Variants in KAT2B observed in about 807,000 individuals in gnomAD.
KAT2B encodes lysine acetyltransferase 2B.
Under a neutral mutation model 105.9 loss-of-function variants are expected in KAT2B, and 36 were observed. The observed-to-expected ratio is 0.34, with a 90% CI of 0.26 to 0.45. KAT2B has a LOEUF of 0.45. Among genes scored for constraint, KAT2B ranks in the 20% least tolerant of loss-of-function variants. The pLI is 1.00. For missense variants in KAT2B, 820 were observed against 1,021.6 expected, an observed-to-expected ratio of 0.80 and a Z score of 2.69; for synonymous variants, 397 against 377.9, an observed-to-expected ratio of 1.05 and a Z score of -0.59.
At chr3:20,090,234 C>A (rs947885656) in intron 2 of KAT2B, among the ~76,000 whole-genome samples, 1 of 152,122 alleles carries the variant, frequency 6.6e-6, no homozygotes, top group African/African-American at 2.4e-5. Flanking sequence ...TCCAATACTA[C>A]GTTGAAAAGA....
chr3:20,151,626 AGTTTT>A (rs1446668236), intron 17 of KAT2B, among the ~76,000 whole-genome samples: 5 of 152,186 alleles, frequency 3.3e-5, no homozygotes, highest in Non-Finnish European at 7.4e-5. Context: ...ACCCTACTTT[AGTTTT>A]ATCAGTTTAG....
intron 1 of KAT2B, among the ~76,000 whole-genome samples, chr3:20,047,861 C>T (rs142308777): frequency 0.012 from 1,796 of 152,166 alleles, 28 homozygotes; most frequent in African/African-American, 0.041. Context: ...AGTGATCTGT[C>T]TGCCTGCGCC....
intron 1 of KAT2B, among the ~76,000 whole-genome samples, chr3:20,060,130 T>C (rs1698074861): frequency 6.6e-6 from 1 of 152,252 alleles, no homozygotes; most frequent in Admixed American, 6.5e-5. Flanking sequence ...ATGCGTTAAC[T>C]AGTTGATGGG....
In KAT2B at chr3:20,137,825, G is replaced by T. The variant is rs1381783660; in HGVS notation, c.1860+773G>T. ...GCGTGAGCCACCTCACCAGGCCTCT[G>T]TCCTAGCAGTTTCTTATCAGAAGTT... On this transcript the variant is annotated intron_variant, in intron 12 of 17. Coordinates refer to ENST00000263754, the MANE Select transcript of KAT2B (RefSeq NM_003884.5). Among the ~76,000 whole-genome samples, 6 of 152,208 alleles carry T rather than the reference G, an allele frequency of 3.9e-5. No individual in the cohort carries two copies. The East Asian group carries it at 1.2e-3, about 30-fold the overall frequency.
chr3:20,062,339 TATA>T (rs1253111879), intron 1 of KAT2B, among the ~76,000 whole-genome samples: 2 of 93,640 alleles, frequency 2.1e-5, no homozygotes, highest in East Asian at 5.6e-4. Flanking sequence ...ATGTATAAAA[TATA>T]ATATATAATA....
intron 11 of KAT2B, among the ~76,000 whole-genome samples, chr3:20,136,533 G>A (rs1188543675): frequency 6.6e-6 from 1 of 151,852 alleles, no homozygotes; most frequent in Non-Finnish European, 1.5e-5. Flanking sequence ...CTTTTCATTT[G>A]CATCTTTTTT....
At chr3:20,116,692 G>A (rs913117797) in intron 7 of KAT2B, among the ~76,000 whole-genome samples, 1 of 151,904 alleles carries the variant, frequency 6.6e-6, no homozygotes, top group Non-Finnish European at 1.5e-5. Context: ...ACCCAGTTTT[G>A]TCACAATAAT....
chr3:20,089,826 GT>G (rs1698683206), intron 2 of KAT2B, among the ~76,000 whole-genome samples: 2 of 151,384 alleles, frequency 1.3e-5, no homozygotes, highest in African/African-American at 4.9e-5. Context: ...TTGATTTTTT[GT>G]TTTGTTTTGA....
intron 3 of KAT2B, among the ~76,000 whole-genome samples, chr3:20,097,516 AAAT>A (rs1353387540): frequency 6.9e-6 from 1 of 144,066 alleles, no homozygotes; most frequent in Non-Finnish European, 1.5e-5. Context: ...AACAAAACAA[AAAT>A]AATGATTAAA....
chr3:20,099,480 T>C (rs558512124), intron 3 of KAT2B, among the ~76,000 whole-genome samples: 53 of 152,126 alleles, frequency 3.5e-4, no homozygotes, highest in Non-Finnish European at 5.4e-4. Flanking sequence ...GTGCCAAGTG[T>C]GTAGGGTTGC....
chr3:20,150,124 A>T (rs1353731912), intron 17 of KAT2B, among the ~76,000 whole-genome samples: 1 of 152,196 alleles, frequency 6.6e-6, no homozygotes, highest in Non-Finnish European at 1.5e-5. Flanking sequence ...GCTGAGTCTC[A>T]CAAGGGGGGA....
chr3:20,041,601 G>A (rs960966284), intron 1 of KAT2B, among the ~76,000 whole-genome samples: 18 of 152,322 alleles, frequency 1.2e-4, no homozygotes, highest in African/African-American at 4.3e-4. Flanking sequence ...CCCGAGGTGG[G>A]AGGATTGCCC....
chr3:20,131,965 T>C (rs1699518315), intron 11 of KAT2B, among the ~76,000 whole-genome samples: 1 of 152,230 alleles, frequency 6.6e-6, no homozygotes, highest in Admixed American at 6.5e-5. Flanking sequence ...TGCTGATAAA[T>C]TCCTGTGAAT....
chr3:20,145,907 A>G (rs1699777100), intron 13 of KAT2B, among the ~76,000 whole-genome samples: 1 of 152,220 alleles, frequency 6.6e-6, no homozygotes, highest in Non-Finnish European at 1.5e-5. Flanking sequence ...CGAAGGGAAC[A>G]GTTCCTAGTT....
At chr3:20,143,454 C>G (rs1406128505) in intron 13 of KAT2B, among the ~76,000 whole-genome samples, 1 of 151,836 alleles carries the variant, frequency 6.6e-6, no homozygotes, top group Admixed American at 6.6e-5. Flanking sequence ...TTAGTTCAGC[C>G]CCTGTGGAAA....
At chr3:20,113,874 T>C (rs2125167703) in intron 6 of KAT2B, among the ~76,000 whole-genome samples, 1 of 152,316 alleles carries the variant, frequency 6.6e-6, no homozygotes, top group South Asian at 2.1e-4. Flanking sequence ...AAAGTGTTTT[T>C]GTTTTTGTTT....
chr3:20,069,189 G>A (rs904831896), intron 1 of KAT2B, among the ~76,000 whole-genome samples: 1 of 152,222 alleles, frequency 6.6e-6, no homozygotes, highest in Non-Finnish European at 1.5e-5. Context: ...CAAGGAGGTA[G>A]TTAGAACTTG....
chr3:20,123,443 G>A (rs969549617), intron 9 of KAT2B, among the ~76,000 whole-genome samples: 1 of 152,070 alleles, frequency 6.6e-6, no homozygotes, highest in Non-Finnish European at 1.5e-5. Flanking sequence ...TTCAAATAAA[G>A]TTTTATTGAA....
intron 1 of KAT2B, among the ~76,000 whole-genome samples, chr3:20,046,948 C>T (rs1455487841): frequency 6.6e-6 from 1 of 152,090 alleles, no homozygotes; most frequent in African/African-American, 2.4e-5. Context: ...ATGCACAGGA[C>T]AACTCCCCCC....
Sources: allele counts gnomAD v4.1 joint callset (sites outside exome capture counted in the v4.1 genomes callset), GRCh38; gene constraint gnomAD v4.1.1; transcripts MANE v1.5; gene names NCBI Gene and HGNC (gene_info 2026-07-23, HGNC 2026-07-21).